NFKBIZ: variants seen among roughly 807,000 people sequenced by gnomAD.
NFKBIZ encodes the protein NF-kappa-B inhibitor zeta.
Under a neutral mutation model 76.8 loss-of-function variants are expected in NFKBIZ, and 19 were observed. The ratio of observed to expected loss-of-function variants is 0.25; its 90% CI spans 0.17 to 0.36. The LOEUF (loss-of-function observed/expected upper bound fraction) is 0.36, where lower values mean the gene tolerates loss of function less well. Ranked by LOEUF, NFKBIZ falls within the 10% of genes least tolerant of loss-of-function variation. NFKBIZ has a pLI of 1.00. For synonymous variants in NFKBIZ, 368 were observed against 354.8 expected, an observed-to-expected ratio of 1.04 and a Z score of -0.42; for missense variants, 829 against 910.9, an observed-to-expected ratio of 0.91 and a Z score of 1.16.
At chr3:101,846,481 T>C (rs1485210065), upstream of NFKBIZ, among the ~76,000 whole-genome samples, 2 of 152,364 alleles carry the variant, frequency 1.3e-5, no homozygotes, top group Non-Finnish European at 1.5e-5. Context: ...TGCTTTGGCA[T>C]TGCACAGAAA....
intron 2 of NFKBIZ, 88 bp downstream of exon 2, chr3:101,852,312 AAGT>A (rs1322547090): frequency 6.8e-6 from 10 of 1,475,406 alleles, no homozygotes; most frequent in Non-Finnish European, 9.2e-6. Flanking sequence ...TCCAGTCATC[AAGT>A]AAGTCACTTG....
chr3:101,841,184 A>G (rs546094696), intron 2 of NFKBIZ, among the ~76,000 whole-genome samples: 1 of 152,314 alleles, frequency 6.6e-6, no homozygotes, highest in South Asian at 2.1e-4. Flanking sequence ...TGCAAACAGG[A>G]CCTAGAGAAT....
rs535649236 is a variant in NFKBIZ, at chr3:101,856,990, C to T, written c.1825-83C>T. On this transcript the variant is annotated intron_variant, in intron 9 of 11. Coordinates refer to ENST00000326172, the MANE Select transcript of NFKBIZ (RefSeq NM_031419.4). Reference sequence around the variant, plus strand: ...AGTCTCTGAAGCTGAATCAGACATTCAGGAGACTGGGTGAAAAGTGTATTC... The same window carrying T: ...AGTCTCTGAAGCTGAATCAGACATTTAGGAGACTGGGTGAAAAGTGTATTC... 1.8e-5 allele frequency: 18 copies of T among 974,478 alleles called. No homozygotes were observed. The African/African-American group carries it at 2.9e-4, about 16-fold the overall frequency. 60.4% of individuals were successfully genotyped at this position (974,478 alleles called of 1,614,324 possible). A position where few individuals can be genotyped will look rare whatever the true frequency, so the allele number is the denominator to read the frequency against.
intron 2 of NFKBIZ, among the ~76,000 whole-genome samples, chr3:101,831,253 C>A (rs750709462): frequency 6.6e-6 from 1 of 152,144 alleles, no homozygotes; most frequent in Non-Finnish European, 1.5e-5. Flanking sequence ...TTAGCTATTA[C>A]AATAGTTTGT....
Position 101,855,195 on chromosome 3 carries a change from C to G in NFKBIZ, c.1577C>G (p.Ser526Cys), listed in dbSNP as rs1943030199. The change falls in exon 7 of 12, where the codon TCC becomes TGC. Residue 526 changes from serine to cysteine, a missense_variant. Physicochemically the swap from Ser to Cys is moderately radical, Grantham distance 112 (BLOSUM62 -1). Coordinates refer to ENST00000326172, the MANE Select transcript of NFKBIZ (RefSeq NM_031419.4). ...PLHVCAEKGH[S>C]QVLQAIQKGA... Reference sequence around the variant, plus strand: ...CATGTGTGTGCTGAGAAGGGCCACTCCCAGGTGCTTCAGGTAAGAGGCAGC... The same window carrying G: ...CATGTGTGTGCTGAGAAGGGCCACTGCCAGGTGCTTCAGGTAAGAGGCAGC... 5 of 1,609,098 alleles carry G rather than the reference C, an allele frequency of 3.1e-6. No individual in the cohort carries two copies.
rs1040472903 is a variant in NFKBIZ, at chr3:101,853,584, T to C, written c.1058T>C (p.Ile353Thr). Residue 353 changes from isoleucine to threonine, a missense_variant, in exon 5 of 12, where the codon ATT (isoleucine) becomes ACT (threonine). Ile to Thr is a moderately conservative substitution (Grantham distance 89). Around this residue, in one of 4 missense-constraint regions of NFKBIZ, gnomAD observed 371 missense variants for 332.3 expected, o/e 1.12. Transcript: ENST00000326172. The stretch of plus-strand genomic sequence containing the variant: ...GGTGATCAAAGGGAATCTGAGAATA[T>C]TGCTAATCCCATGCAGACTTCCTCC... ...LLGDQRESEN[I>T]ANPMQTSSSV... 5.0e-6 allele frequency: 8 copies of C among 1,614,124 alleles called. No homozygotes were observed. The African/African-American group carries it at 6.7e-5, about 13-fold the overall frequency.
rs1390636805 is a variant in NFKBIZ at position 101,860,732 on chromosome 3, T to A, written c.*1361T>A. 6.6e-6 allele frequency: 1 copy of A among 151,784 alleles called. No individual in the cohort carries two copies. Among genetic ancestry groups the A allele is most frequent in the Non-Finnish European group, 1.5e-5 (1 of 67,986 alleles). 9.4% of individuals were successfully genotyped at this position (151,784 alleles called of 1,614,324 possible). On this transcript the variant is annotated 3_prime_UTR_variant, in exon 12 of 12. Transcript: ENST00000326172. ...GCTTGCCGCTGGCATGCCTGAGGAA[T>A]GTATTTGGCTTTGATTACACACTAA... is the stretch of plus-strand genomic sequence containing the variant.
intron 1 of NFKBIZ, among the ~76,000 whole-genome samples, chr3:101,829,313 C>T (rs1322329473): frequency 6.6e-6 from 1 of 152,176 alleles, no homozygotes; most frequent in East Asian, 1.9e-4. Flanking sequence ...TGGCAGCATC[C>T]TCTCCAGTGT....
chr3:101,855,934 A>G (rs751314610), intron 9 of NFKBIZ, 32 bp downstream of exon 9: 2 of 1,567,746 alleles, frequency 1.3e-6, no homozygotes, highest in Admixed American at 1.9e-5. Context: ...AAGATGGGGT[A>G]GGGGAGAAAC....
In NFKBIZ at chr3:101,842,717, G is replaced by A. The variant is rs151028860; in HGVS notation, c.-11-9368G>A. On this transcript the variant is annotated intron_variant, in intron 2 of 12. Coordinates refer to the NFKBIZ transcript ENST00000394054. ...AAGATTGAACACCCCTGGTGTGGAG[G>A]AATTCTTAGAAGAATTCCTGGCATT... Among the ~76,000 whole-genome samples, 390 of 151,598 alleles carry A rather than the reference G, an allele frequency of 2.6e-3. 2 individuals are homozygous for A. The highest frequency in any genetic ancestry group is 7.6e-3 in the African/African-American group (315 of 41,406).
chr3:101,835,062 A>G (rs1468913640), intron 2 of NFKBIZ, among the ~76,000 whole-genome samples: 1 of 152,242 alleles, frequency 6.6e-6, no homozygotes, highest in African/African-American at 2.4e-5. Flanking sequence ...AACTACCATC[A>G]TTGAGTGTAT....
intron 1 of NFKBIZ, among the ~76,000 whole-genome samples, chr3:101,850,634 G>A (rs567771756): frequency 5.9e-5 from 9 of 152,282 alleles, no homozygotes; most frequent in Admixed American, 2.0e-4. Context: ...TAATTTGGGG[G>A]AAAACAGGAT....
In NFKBIZ at chr3:101,859,464, A is replaced by C; in HGVS notation, c.*93A>C. The C allele has an allele frequency of 3.1e-6, 3 of 981,662 alleles. No homozygotes were observed. The highest frequency in any genetic ancestry group is 4.8e-6 in the Non-Finnish European group (3 of 622,088). The allele number at this position is 981,662 out of a possible 1,614,324, so 60.8% of individuals were successfully genotyped here. On this transcript the variant is annotated 3_prime_UTR_variant, in exon 12 of 12. Coordinates refer to ENST00000326172, the MANE Select transcript of NFKBIZ (RefSeq NM_031419.4). ...TAGACCATTTGCCTTATATTGGCAA[A>C]TGTAAGTTGTTTCTATGAAACAAAC...
intron 2 of NFKBIZ, among the ~76,000 whole-genome samples, chr3:101,835,505 AAG>A (rs1942707987): frequency 6.6e-6 from 1 of 152,178 alleles, no homozygotes; most frequent in South Asian, 2.1e-4. Context: ...TTGGAAGTTC[AAG>A]ATAAGGTGTT....
Position 101,860,077 on chromosome 3 carries a change from G to T in NFKBIZ, c.*706G>T, listed in dbSNP as rs1458643493. 6.6e-6 allele frequency: 1 copy of T among 152,132 alleles called. No homozygotes were observed. Among genetic ancestry groups the T allele is most frequent in the Non-Finnish European group, 1.5e-5 (1 of 68,024 alleles). 9.4% of individuals were successfully genotyped at this position (152,132 alleles called of 1,614,324 possible). A position where few individuals can be genotyped will look rare whatever the true frequency, so the allele number is the denominator to read the frequency against. ...AGTCTTTGTAGATAAAGCAGATGGG[G>T]AGTTACGGAGTTGTTCCTTTACTGG... is the stretch of plus-strand genomic sequence containing the variant. On this transcript the variant is annotated 3_prime_UTR_variant, in exon 12 of 12. Transcript: ENST00000326172.
chr3:101,858,159 T>A, intron 11 of NFKBIZ: 1 of 985,246 alleles, frequency 1.0e-6, no homozygotes, highest in Non-Finnish European at 1.2e-6. Flanking sequence ...ATTGTGGCTG[T>A]GGGTAGGTCA....
At chr3:101,849,215 C>CGGAGGCA (rs1942900788), upstream of NFKBIZ, 2 of 154,478 alleles carry the variant, frequency 1.3e-5, no homozygotes, top group African/African-American at 4.8e-5. Flanking sequence ...GACGGGGTCC[C>CGGAGGCA]GGAGGCGGGA....
rs769841878 is a variant in NFKBIZ at position 101,855,223 on chromosome 3, A to C, written c.1590+15A>C. 1.2e-6 allele frequency: 2 copies of C among 1,603,272 alleles called. No individual in the cohort carries two copies. The highest frequency in any genetic ancestry group is 2.7e-5 in the African/African-American group (2 of 74,506). On this transcript the variant is annotated intron_variant, in intron 7 of 11. Transcript: ENST00000326172. ...AGGTGCTTCAGGTAAGAGGCAGCAAACCAGGCTTCCATCATTGCAAGGCCA... is the reference window on the plus strand; with the variant it reads ...AGGTGCTTCAGGTAAGAGGCAGCAACCCAGGCTTCCATCATTGCAAGGCCA...
In NFKBIZ at chr3:101,857,412, A is replaced by G; in HGVS notation, c.2056A>G (p.Asn686Asp). Residue 686 changes from asparagine (N) to aspartate (D), a missense_variant, in exon 11 of 12, where the codon AAC becomes GAC. Around this residue, in one of 4 missense-constraint regions of NFKBIZ, gnomAD observed 272 missense variants for 384.2 expected, o/e 0.71. Coordinates refer to ENST00000326172, the MANE Select transcript of NFKBIZ (RefSeq NM_031419.4). ...GADPSTRNLE[N>D]EQPVHLVPDG... ...AGACCCAAGTACTCGGAACTTGGAG[A>G]ACGAACAGCCAGTGCATTTGGTTCC... The G allele has an allele frequency of 6.2e-7, 1 of 1,614,210 alleles. No homozygotes were observed. The highest frequency in any genetic ancestry group is 1.7e-4 in the Middle Eastern group (1 of 6,058).
Sources: allele counts gnomAD v4.1 joint callset (sites outside exome capture counted in the v4.1 genomes callset), GRCh38; gene constraint gnomAD v4.1.1; regional missense constraint gnomAD v4.1.1; transcripts MANE v1.5; gene names NCBI Gene and HGNC (gene_info 2026-07-23, HGNC 2026-07-21).